The following COL5A2 variants were observed in gnomAD, a reference collection of about 807,000 sequenced individuals.
COL5A2 encodes collagen alpha-2(V) chain.
In COL5A2, 23 loss-of-function variants were observed where a neutral mutation model predicts 208.2. The observed-to-expected ratio is 0.11, with a 90% CI of 0.08 to 0.16. The LOEUF is 0.16. COL5A2 is among the 10% of genes least tolerant of loss of function. The pLI, the probability that COL5A2 is intolerant of heterozygous loss-of-function variation, is 1.00. For synonymous variants in COL5A2, 625 were observed against 628.5 expected (o/e 0.99, Z 0.08); for missense variants, 1,590 against 1,956.4 (o/e 0.81, Z 3.53).
chr2:189,147,970 T>A lies in COL5A2; in HGVS notation c.97+31538A>T, dbSNP rs182401016. 3.6e-3 allele frequency among the ~76,000 whole-genome samples: 553 copies of A among 152,274 alleles called. 1 individual carries two copies. The highest frequency in any genetic ancestry group is 4.4e-3 in the Non-Finnish European group (296 of 68,020). On this transcript the variant is annotated intron_variant, in intron 1 of 53. Transcript: ENST00000374866. ...CAGATCCTTAGAACCATTTCTGGATTATCCTAAACTTCAGACATTTAAAAA... is the reference window on the plus strand; with the variant it reads ...CAGATCCTTAGAACCATTTCTGGATAATCCTAAACTTCAGACATTTAAAAA...
the COL5A2 span, among the ~76,000 whole-genome samples, chr2:189,338,623 T>C: frequency 6.6e-6 from 1 of 151,332 alleles, no homozygotes; most frequent in Non-Finnish European, 1.5e-5. Flanking sequence ...TTTCTGATAA[T>C]AACTATAAAG....
chr2:189,380,445 C>CA, the COL5A2 span, among the ~76,000 whole-genome samples: 43 of 151,544 alleles, frequency 2.8e-4, 1 homozygote, highest in African/African-American at 9.7e-4. Flanking sequence ...GTAAAATGAT[C>CA]AAAAAATGAG....
chr2:189,372,933 T>A, the COL5A2 span, among the ~76,000 whole-genome samples: 3 of 152,196 alleles, frequency 2.0e-5, no homozygotes, highest in African/African-American at 7.2e-5. Flanking sequence ...TTTCATGAAC[T>A]CACACCTCTC....
At chr2:189,125,247 A>G (rs1213459715) in intron 1 of COL5A2, among the ~76,000 whole-genome samples, 1 of 152,196 alleles carries the variant, frequency 6.6e-6, no homozygotes. Flanking sequence ...TAAGGGAATA[A>G]GGCCATTCAC....
chr2:189,411,781 T>C, the COL5A2 span, among the ~76,000 whole-genome samples: 14 of 151,950 alleles, frequency 9.2e-5, no homozygotes, highest in Admixed American at 3.3e-4. Context: ...GCTTTCTAAT[T>C]AAAAAACAGT....
At chr2:189,314,639 A>C in the COL5A2 span, among the ~76,000 whole-genome samples, 2 of 152,166 alleles carry the variant, frequency 1.3e-5, no homozygotes, top group East Asian at 3.8e-4. Context: ...ACTTCAAAAA[A>C]TCCAGGAGCT....
At chr2:189,186,345 C>CT (rs1356671124) in intron 1 of COL5A2, among the ~76,000 whole-genome samples, 3 of 152,088 alleles carry the variant, frequency 2.0e-5, no homozygotes, top group African/African-American at 7.2e-5. Flanking sequence ...TGTGAATATA[C>CT]TTTTTTCTCA....
the COL5A2 span, among the ~76,000 whole-genome samples, chr2:189,297,484 C>T: frequency 6.6e-6 from 1 of 152,094 alleles, no homozygotes; most frequent in Non-Finnish European, 1.5e-5. Flanking sequence ...CTACTATGTA[C>T]TCAAAAAATT....
chr2:189,034,284 T>C, intron 53 of COL5A2, 68 bp from the exon 54 acceptor site: 1 of 1,536,812 alleles, frequency 6.5e-7, no homozygotes, highest in Non-Finnish European at 9.0e-7. Context: ...GACAGCAACC[T>C]TCCCAGACAC....
intron 31 of COL5A2, 43 bp from the exon 32 acceptor site, chr2:189,058,936 G>C: frequency 2.6e-6 from 4 of 1,563,464 alleles, no homozygotes; most frequent in Non-Finnish European, 3.5e-6. Context: ...AGAGCTTTGA[G>C]TTTAGGCATT....
At chr2:189,308,574 C>A in the COL5A2 span, among the ~76,000 whole-genome samples, 1 of 152,110 alleles carries the variant, frequency 6.6e-6, no homozygotes, top group Admixed American at 6.5e-5. Context: ...AGTCTGGCAC[C>A]TTTTTAGGTC....
chr2:189,341,171 T>C, the COL5A2 span, among the ~76,000 whole-genome samples: 1 of 152,190 alleles, frequency 6.6e-6, no homozygotes, highest in Admixed American at 6.5e-5. Context: ...TGGTTCAGTT[T>C]ACTAATACTG....
exon 1 of COL5A2, among the ~76,000 whole-genome samples, chr2:189,225,156 G>A (rs1689397505): frequency 1.3e-5 from 2 of 152,088 alleles, no homozygotes; most frequent in African/African-American, 4.8e-5. Context: ...ACCACCAGTG[G>A]CTCGATGTTG....
the COL5A2 span, among the ~76,000 whole-genome samples, chr2:189,427,656 A>G: frequency 6.6e-6 from 1 of 152,218 alleles, no homozygotes; most frequent in Admixed American, 6.5e-5. Context: ...ACAGGGACAG[A>G]GCTTCCCAAG....
intron 35 of COL5A2, among the ~76,000 whole-genome samples, chr2:189,054,578 G>C (rs1365638411): frequency 6.6e-6 from 1 of 151,920 alleles, no homozygotes; most frequent in Non-Finnish European, 1.5e-5. Context: ...AAATTGAAAA[G>C]AGGCTTTCCT....
chr2:189,057,534 A>C (rs1685927744), intron 33 of COL5A2, 107 bp from the exon 34 acceptor site: 1 of 787,548 alleles, frequency 1.3e-6, no homozygotes, highest in African/African-American at 1.7e-5. Context: ...CATGTAGTTC[A>C]ACTTAGTGCT....
chr2:189,160,828 CTTTTTTT>C (rs1013116673), intron 1 of COL5A2, among the ~76,000 whole-genome samples: 1 of 132,014 alleles, frequency 7.6e-6, no homozygotes, highest in South Asian at 2.4e-4. Flanking sequence ...TTTCTTTTTC[CTTTTTTT>C]TTTTTTTTTT....
the COL5A2 span, among the ~76,000 whole-genome samples, chr2:189,315,181 A>G: frequency 1.3e-5 from 2 of 152,194 alleles, no homozygotes; most frequent in African/African-American, 2.4e-5. Context: ...CCAACAAAAT[A>G]CTGGCAAGCC....
intron 1 of COL5A2, among the ~76,000 whole-genome samples, chr2:189,217,344 A>T (rs1056296383): frequency 5.9e-5 from 9 of 152,192 alleles, no homozygotes; most frequent in African/African-American, 1.2e-4. Flanking sequence ...ATACAAGTAT[A>T]AAAAAAGATA....
Sources: allele counts gnomAD v4.1 joint callset (sites outside exome capture counted in the v4.1 genomes callset), GRCh38; gene constraint gnomAD v4.1.1; transcripts MANE v1.5; gene names NCBI Gene and HGNC (gene_info 2026-07-23, HGNC 2026-07-21).